The following VWA8 variants were observed in gnomAD, a reference collection of about 807,000 sequenced individuals.
VWA8 encodes von Willebrand factor A domain containing 8.
In VWA8, 221 loss-of-function variants were observed where a neutral mutation model predicts 241.5. The ratio of observed to expected loss-of-function variants is 0.91; its 90% CI spans 0.82 to 1.02. The LOEUF is 1.02. VWA8 is among the 50% of genes least tolerant of loss of function. The pLI, the probability that VWA8 is intolerant of heterozygous loss-of-function variation, is 0.00. For synonymous variants in VWA8, 852 were observed against 827.1 expected (o/e 1.03, Z -0.52); for missense variants, 2,322 against 2,328.7 (o/e 1.00, Z 0.06).
intron 2 of VWA8, among the ~76,000 whole-genome samples, chr13:41,930,136 T>C (rs557317534): frequency 6.6e-6 from 1 of 152,262 alleles, no homozygotes; most frequent in African/African-American, 2.4e-5. Flanking sequence ...CTCAACATCA[T>C]TAAATCAGGA....
chr13:41,685,572 A>G (rs1291373192), intron 34 of VWA8, among the ~76,000 whole-genome samples: 1 of 152,122 alleles, frequency 6.6e-6, no homozygotes, highest in Non-Finnish European at 1.5e-5. Flanking sequence ...TTAAACAAAC[A>G]AAAAATAAAT....
intron 43 of VWA8, among the ~76,000 whole-genome samples, chr13:41,574,438 G>A (rs890859764): frequency 6.6e-6 from 1 of 151,754 alleles, no homozygotes; most frequent in Non-Finnish European, 1.5e-5. Flanking sequence ...CAAACAAATG[G>A]AAACACATCC....
intron 23 of VWA8, 134 bp from the exon 24 acceptor site, chr13:41,727,447 C>T: frequency 3.6e-6 from 3 of 825,570 alleles, no homozygotes; most frequent in Non-Finnish European, 5.2e-6. Flanking sequence ...GCTGTGATAA[C>T]TTGGTTGCAG....
At chr13:41,589,118 C>G (rs2044438374) in intron 41 of VWA8, among the ~76,000 whole-genome samples, 1 of 152,164 alleles carries the variant, frequency 6.6e-6, no homozygotes. Flanking sequence ...GCACCCCCAG[C>G]TCTCAGTGGC....
intron 40 of VWA8, among the ~76,000 whole-genome samples, chr13:41,603,612 G>T (rs928120527): frequency 2.0e-5 from 3 of 152,092 alleles, no homozygotes; most frequent in African/African-American, 4.8e-5. Flanking sequence ...ACTCAATGTT[G>T]TCTACCTGTT....
intron 21 of VWA8, among the ~76,000 whole-genome samples, chr13:41,756,851 T>C (rs1031412183): frequency 2.0e-5 from 3 of 151,694 alleles, no homozygotes; most frequent in African/African-American, 7.2e-5. Context: ...AACTGTCAAG[T>C]AATAAAATAT....
At chr13:41,605,383 G>T in intron 39 of VWA8, 107 bp from the exon 40 acceptor site, 3 of 1,046,406 alleles carry the variant, frequency 2.9e-6, no homozygotes, top group South Asian at 2.7e-5. Flanking sequence ...TGGAAACTCA[G>T]ATTCATGTTG....
chr13:41,610,476 G>A (rs887167032), intron 39 of VWA8, among the ~76,000 whole-genome samples: 1 of 152,214 alleles, frequency 6.6e-6, no homozygotes, highest in Non-Finnish European at 1.5e-5. Context: ...CTAGCATCAA[G>A]TGTGTTATTT....
At chr13:41,871,938 C>T (rs1177062784) in intron 9 of VWA8, among the ~76,000 whole-genome samples, 2 of 152,174 alleles carry the variant, frequency 1.3e-5, no homozygotes, top group Non-Finnish European at 2.9e-5. Context: ...TAGAAGTGTT[C>T]CTATTTCTCC....
intron 13 of VWA8, among the ~76,000 whole-genome samples, chr13:41,831,613 GTT>G (rs71096547): frequency 7.7e-4 from 87 of 113,408 alleles, no homozygotes; most frequent in Non-Finnish European, 1.2e-3. Flanking sequence ...CCAGGCATGA[GTT>G]TTTTTTTTTT....
At chr13:41,890,684 C>T (rs1160010306) in intron 5 of VWA8, among the ~76,000 whole-genome samples, 1 of 152,196 alleles carries the variant, frequency 6.6e-6, no homozygotes, top group African/African-American at 2.4e-5. Context: ...AATCCCTGCC[C>T]TTGTGAAACT....
chr13:41,667,431 T>C (rs1445080669), intron 37 of VWA8, among the ~76,000 whole-genome samples: 1 of 152,226 alleles, frequency 6.6e-6, no homozygotes, highest in Non-Finnish European at 1.5e-5. Context: ...GTCTTCACTA[T>C]AATGATGAAA....
At chr13:41,615,662 T>C (rs17637394) in intron 37 of VWA8, among the ~76,000 whole-genome samples, 4,842 of 152,330 alleles carry the variant, frequency 0.032, 151 homozygotes, top group East Asian at 0.096. Context: ...ATTTTTATTA[T>C]GGTATTTTGT....
intron 21 of VWA8, among the ~76,000 whole-genome samples, chr13:41,744,919 G>A (rs906955941): frequency 3.3e-5 from 5 of 151,944 alleles, no homozygotes; most frequent in African/African-American, 4.8e-5. Flanking sequence ...CATACTGCAA[G>A]CTCCACCTCC....
chr13:41,863,785 G>C (rs921047022), intron 12 of VWA8, among the ~76,000 whole-genome samples: 1 of 152,006 alleles, frequency 6.6e-6, no homozygotes, highest in African/African-American at 2.4e-5. Flanking sequence ...TGGACATAAA[G>C]ATGGGAAAAA....
Position 41,778,013 on chromosome 13 carries a change from C to G in VWA8, c.2321G>C (p.Gly774Ala). The change falls in exon 20 of 45, where the codon GGA becomes GCA. Residue 774 changes from glycine to alanine, a missense_variant. Transcript: ENST00000379310. ...GTTGCCAACCAATAATAAGTGTTCT[C>G]CAAGGAGAAAGTCTTTCAGCATATC... ...MEDMLKDFLL[G>A]EHLLLVGNQG... The G allele has an allele frequency of 6.2e-7, 1 of 1,611,606 alleles. No homozygotes were observed. The highest frequency in any genetic ancestry group is 8.5e-7 in the Non-Finnish European group (1 of 1,179,180).
chr13:41,592,744 A>AAG (rs2044464701), intron 40 of VWA8, among the ~76,000 whole-genome samples: 1 of 149,052 alleles, frequency 6.7e-6, no homozygotes. Context: ...AAAAAAAAAA[A>AAG]GATTATGTGT....
chr13:41,649,502 CTG>C (rs757694337), intron 37 of VWA8, among the ~76,000 whole-genome samples: 4 of 151,756 alleles, frequency 2.6e-5, no homozygotes, highest in Non-Finnish European at 5.9e-5. Context: ...ATAATATTAT[CTG>C]TATTTCTGGT....
chr13:41,678,970 T>C lies in VWA8; in HGVS notation c.4328-3674A>G, dbSNP rs569314258. On this transcript the variant is annotated intron_variant, in intron 35 of 44. Transcript: ENST00000379310. ...AATAAGTCAGCTCAGAAGAAAAGAA[T>C]ATTTACAAAAAGATTCTTGAACAGA... Among the ~76,000 whole-genome samples the C allele has an allele frequency of 2.0e-5, 3 of 152,310 alleles. No homozygotes were observed. The South Asian group carries it at 6.2e-4, about 32-fold the overall frequency.
Sources: gnomAD v4.1 joint callset for allele counts (sites outside exome capture counted in the v4.1 genomes callset) on GRCh38, gnomAD v4.1.1 for gene constraint, MANE v1.5 for transcripts, NCBI Gene and HGNC (gene_info 2026-07-23, HGNC 2026-07-21) for gene names.